The following LRRTM4 variants were observed in gnomAD, a reference collection of about 807,000 sequenced individuals.
LRRTM4 encodes the protein leucine rich repeat transmembrane neuronal 4, also known as leucine-rich repeat transmembrane neuronal protein 4.
In LRRTM4, 25 loss-of-function variants were observed where a neutral mutation model predicts 47.6. The observed-to-expected ratio is 0.53, with a 90% CI of 0.38 to 0.73. The LOEUF (loss-of-function observed/expected upper bound fraction) is 0.73. Ranked by LOEUF, LRRTM4 falls within the 30% of genes least tolerant of loss-of-function variation. LRRTM4 has a pLI of 0.00. For synonymous variants in LRRTM4, 311 were observed against 269.5 expected, an observed-to-expected ratio of 1.15 and a Z score of -1.51; for missense variants, 638 against 713.4, an observed-to-expected ratio of 0.89 and a Z score of 1.20.
intron 3 of LRRTM4, among the ~76,000 whole-genome samples, chr2:76,875,690 C>G (rs2104077589): frequency 6.6e-6 from 1 of 152,230 alleles, no homozygotes; most frequent in East Asian, 1.9e-4. Context: ...ATCTTAATAC[C>G]TAATTACCCA....
intron 3 of LRRTM4, among the ~76,000 whole-genome samples, chr2:76,900,320 G>GT (rs1195248677): frequency 4.2e-5 from 6 of 144,240 alleles, no homozygotes; most frequent in Non-Finnish European, 9.0e-5. Flanking sequence ...GATATATATA[G>GT]TTTTTTGTAG....
At chr2:76,979,083 GA>G (rs969367879) in intron 3 of LRRTM4, among the ~76,000 whole-genome samples, 9 of 152,026 alleles carry the variant, frequency 5.9e-5, no homozygotes, top group African/African-American at 2.2e-4. Context: ...AGTGGTCAAT[GA>G]GGATACCTTG....
chr2:76,866,198 C>A, intron 3 of LRRTM4, among the ~76,000 whole-genome samples: 1 of 152,182 alleles, frequency 6.6e-6, no homozygotes, highest in South Asian at 2.1e-4. Context: ...AATTAAATAA[C>A]TGAATCCCTT....
chr2:77,035,516 A>G (rs1165148377), intron 3 of LRRTM4, among the ~76,000 whole-genome samples: 1 of 151,926 alleles, frequency 6.6e-6, no homozygotes, highest in South Asian at 2.1e-4. Flanking sequence ...CTATAATTTT[A>G]TTTCATTTTT....
intron 3 of LRRTM4, among the ~76,000 whole-genome samples, chr2:77,236,699 C>T (rs1019752319): frequency 5.3e-5 from 8 of 151,988 alleles, no homozygotes; most frequent in African/African-American, 1.9e-4. Context: ...TATGTTCCTT[C>T]AATGTCTAGT....
chr2:77,131,532 C>T (rs747429693), intron 3 of LRRTM4, among the ~76,000 whole-genome samples: 5 of 152,180 alleles, frequency 3.3e-5, no homozygotes, highest in Admixed American at 6.5e-5. Context: ...TTCTAATGTT[C>T]GTATGGTGTG....
At chr2:76,934,172 A>C (rs1277461503) in intron 3 of LRRTM4, among the ~76,000 whole-genome samples, 1 of 152,162 alleles carries the variant, frequency 6.6e-6, no homozygotes, top group Non-Finnish European at 1.5e-5. Context: ...CTTGTCACTC[A>C]CATAATTTCT....
intron 3 of LRRTM4, among the ~76,000 whole-genome samples, chr2:76,993,302 T>C (rs190221975): frequency 2.0e-5 from 3 of 151,450 alleles, no homozygotes; most frequent in African/African-American, 7.2e-5. Context: ...TTGCACAGGA[T>C]AAAAAAAGCT....
In LRRTM4 at chr2:77,030,803, G is replaced by A. The variant is rs10193221; in HGVS notation, c.1552-281887C>T. On this transcript the variant is annotated intron_variant, in intron 3 of 3. Coordinates refer to ENST00000409884, the MANE Select transcript of LRRTM4 (RefSeq NM_001134745.3). ...TTGGCAATCTTTAAAGTTTTAATAAGTAATGCCAAATAATCTGTCACAAAA... is the reference window on the plus strand; with the variant it reads ...TTGGCAATCTTTAAAGTTTTAATAAATAATGCCAAATAATCTGTCACAAAA... Among the ~76,000 whole-genome samples, 1,344 of 152,260 alleles carry A rather than the reference G, an allele frequency of 8.8e-3. 20 individuals are homozygous for A. Among genetic ancestry groups the A allele is most frequent in the African/African-American group, 0.031 (1,295 of 41,558 alleles).
At chr2:77,233,552 C>T (rs1325478009) in intron 3 of LRRTM4, among the ~76,000 whole-genome samples, 1 of 151,970 alleles carries the variant, frequency 6.6e-6, no homozygotes, top group Non-Finnish European at 1.5e-5. Flanking sequence ...TAATTTTCTA[C>T]ATATGAAGGT....
chr2:77,447,096 A>G (rs1409963255), intron 3 of LRRTM4, among the ~76,000 whole-genome samples: 2 of 152,090 alleles, frequency 1.3e-5, no homozygotes, highest in Non-Finnish European at 2.9e-5. Context: ...TGCATATACA[A>G]TGTGAATGAA....
intron 3 of LRRTM4, among the ~76,000 whole-genome samples, chr2:77,349,890 A>G (rs939235212): frequency 4.6e-5 from 7 of 152,138 alleles, no homozygotes; most frequent in African/African-American, 1.7e-4. Flanking sequence ...GGAGAATATA[A>G]TATTATACCC....
At chr2:77,027,162 A>G (rs1229972353) in intron 3 of LRRTM4, among the ~76,000 whole-genome samples, 5 of 152,088 alleles carry the variant, frequency 3.3e-5, no homozygotes, top group Non-Finnish European at 2.9e-5. Flanking sequence ...ACCACTAGAC[A>G]TAAATCTCCT....
intron 3 of LRRTM4, among the ~76,000 whole-genome samples, chr2:76,798,317 C>T: frequency 6.6e-6 from 1 of 152,060 alleles, no homozygotes; most frequent in Admixed American, 6.5e-5. Context: ...CACTCAACTA[C>T]ATGGAAACTG....
chr2:77,434,884 T>C (rs1675529564), intron 3 of LRRTM4, among the ~76,000 whole-genome samples: 1 of 152,140 alleles, frequency 6.6e-6, no homozygotes, highest in African/African-American at 2.4e-5. Context: ...TGGATAGTGA[T>C]GTTGGTGAGT....
intron 3 of LRRTM4, among the ~76,000 whole-genome samples, chr2:77,003,457 C>G (rs931948974): frequency 2.0e-5 from 3 of 151,958 alleles, no homozygotes; most frequent in Non-Finnish European, 2.9e-5. Context: ...GGTTTTTTCT[C>G]ATGCCTTTCT....
intron 3 of LRRTM4, among the ~76,000 whole-genome samples, chr2:77,496,960 C>T (rs1678386989): frequency 6.6e-6 from 1 of 151,668 alleles, no homozygotes; most frequent in South Asian, 2.1e-4. Context: ...TGTAAGTACA[C>T]ACTTAATTTT....
intron 3 of LRRTM4, among the ~76,000 whole-genome samples, chr2:76,914,207 G>A (rs190651201): frequency 1.3e-4 from 20 of 151,590 alleles, no homozygotes; most frequent in East Asian, 1.2e-3. Context: ...CTAAAGCTCC[G>A]TCCATCATAT....
chr2:77,288,815 G>T (rs750875558), intron 3 of LRRTM4, among the ~76,000 whole-genome samples: 2 of 151,974 alleles, frequency 1.3e-5, no homozygotes, highest in African/African-American at 2.4e-5. Flanking sequence ...TGCAATTAGA[G>T]ATAACTTTTG....
Sources: gnomAD v4.1 joint callset for allele counts (sites outside exome capture counted in the v4.1 genomes callset) on GRCh38, gnomAD v4.1.1 for gene constraint, MANE v1.5 for transcripts, NCBI Gene and HGNC (gene_info 2026-07-23, HGNC 2026-07-21) for gene names.